Variants in TENM3 observed in about 807,000 individuals in gnomAD.
TENM3 encodes the protein teneurin transmembrane protein 3.
Under a neutral mutation model 255.1 loss-of-function variants are expected in TENM3, and 63 were observed. That is an observed-to-expected ratio of 0.25 (90% CI 0.20 to 0.30). The LOEUF (loss-of-function observed/expected upper bound fraction) is 0.30. TENM3 is among the 10% of genes least tolerant of loss of function. The pLI, the probability that TENM3 is intolerant of heterozygous loss-of-function variation, is 1.00. For synonymous variants in TENM3, 1,306 were observed against 1,322.3 expected, an observed-to-expected ratio of 0.99 and a Z score of 0.27; for missense variants, 2,929 against 3,461.1, an observed-to-expected ratio of 0.85 and a Z score of 3.86.
At chr4:181,849,971 A>ACACACACACACACACACACC in the TENM3 span, among the ~76,000 whole-genome samples, 1 of 146,054 alleles carries the variant, frequency 6.8e-6, no homozygotes, top group Admixed American at 6.8e-5. Context: ...ACACACACAC[A>ACACACACACACACACACACC]CACACACACA....
rs1292929955 is a variant in TENM3 at position 182,522,585 on chromosome 4, T to TATTTTTTTAAAATTTTACTTTAA, written c.512-78335_512-78334insTTTTAAAATTTTACTTTAAATTT. On this transcript the variant is annotated intron_variant, in intron 3 of 27. Transcript: ENST00000511685. ...CGTTTTCTTTCTTTTTTAAAAAATT[T>TATTTTTTTAAAATTTTACTTTAA]ATTTGTTTTAAATTTTACTTTAAGT... 1.6e-4 allele frequency among the ~76,000 whole-genome samples: 24 copies of TATTTTTTTAAAATTTTACTTTAA among 152,356 alleles called. No individual in the cohort carries two copies. The East Asian group carries it at 4.6e-3, about 29-fold the overall frequency.
Position 182,585,168 on chromosome 4 carries a change from T to C in TENM3, c.512-15756T>C, listed in dbSNP as rs1481875013. On this transcript the variant is annotated intron_variant, in intron 3 of 27. Transcript: ENST00000511685. The stretch of plus-strand genomic sequence containing the variant: ...GTTTATAAAAATACTTTAATATACA[T>C]TATCTCCTTTAATTCTCACAACATT... 2.0e-5 allele frequency among the ~76,000 whole-genome samples: 3 copies of C among 152,224 alleles called. No homozygotes were observed. In the East Asian group the frequency reaches 5.8e-4, roughly 29 times the overall value.
the TENM3 span, among the ~76,000 whole-genome samples, chr4:181,525,923 G>C: frequency 2.0e-5 from 3 of 148,902 alleles, no homozygotes; most frequent in Non-Finnish European, 3.0e-5. Context: ...CCCTTGCCTG[G>C]GCTGATTTTT....
At chr4:182,449,050 C>T (rs1773203644) in intron 3 of TENM3, 1 of 366,814 alleles carries the variant, frequency 2.7e-6, no homozygotes, top group South Asian at 1.8e-5. Flanking sequence ...GGGCTCGGTT[C>T]CTCACGGCCA....
the TENM3 span, among the ~76,000 whole-genome samples, chr4:181,572,627 A>G: frequency 6.6e-6 from 1 of 152,160 alleles, no homozygotes; most frequent in African/African-American, 2.4e-5. Context: ...GTATGTGTAT[A>G]TATTTATGGG....
intron 26 of TENM3, among the ~76,000 whole-genome samples, chr4:182,794,754 C>T (rs1168655744): frequency 6.6e-6 from 1 of 152,228 alleles, no homozygotes; most frequent in Non-Finnish European, 1.5e-5. Flanking sequence ...CACCATGGAA[C>T]AACCAGCATG....
At chr4:182,533,902 C>T (rs892230554) in intron 3 of TENM3, among the ~76,000 whole-genome samples, 2 of 151,480 alleles carry the variant, frequency 1.3e-5, no homozygotes, top group African/African-American at 4.9e-5. Flanking sequence ...GAGCAAGACT[C>T]CATCTCCAAA....
the TENM3 span, among the ~76,000 whole-genome samples, chr4:181,762,219 T>A: frequency 1.3e-5 from 2 of 152,148 alleles, no homozygotes; most frequent in African/African-American, 4.8e-5. Flanking sequence ...GTGGAATTTT[T>A]CAAAGATGGA....
the TENM3 span, among the ~76,000 whole-genome samples, chr4:181,462,740 A>G: frequency 0.13 from 20,258 of 152,174 alleles, 1,527 homozygotes; most frequent in East Asian, 0.27. Flanking sequence ...TACTGACCAC[A>G]CTTTTCCAGC....
the TENM3 span, among the ~76,000 whole-genome samples, chr4:181,597,779 T>TTCCATCAATCAGTAATTCAGC: frequency 6.6e-6 from 1 of 152,180 alleles, no homozygotes; most frequent in Non-Finnish European, 1.5e-5. Flanking sequence ...TTTTAAATGT[T>TTCCATCAATCAGTAATTCAGC]TCCATCAATC....
the TENM3 span, among the ~76,000 whole-genome samples, chr4:181,515,665 T>C: frequency 0.21 from 31,381 of 152,046 alleles, 4,164 homozygotes; most frequent in Non-Finnish European, 0.3. Flanking sequence ...AAAATATTCA[T>C]GTCCTAATAC....
At chr4:182,117,767 G>T in the TENM3 span, among the ~76,000 whole-genome samples, 2 of 151,928 alleles carry the variant, frequency 1.3e-5, no homozygotes, top group African/African-American at 4.8e-5. Flanking sequence ...TTAATATTCT[G>T]GATATTTTTT....
the TENM3 span, among the ~76,000 whole-genome samples, chr4:181,622,121 A>G: frequency 2.0e-5 from 3 of 152,168 alleles, no homozygotes; most frequent in Non-Finnish European, 4.4e-5. Flanking sequence ...GGACTTTTCC[A>G]AGATAGTGAT....
intron 13 of TENM3, among the ~76,000 whole-genome samples, chr4:182,726,323 A>G (rs1760176893): frequency 6.6e-6 from 1 of 151,606 alleles, no homozygotes; most frequent in Admixed American, 6.6e-5. Flanking sequence ...AGACTTAAGG[A>G]AAAAGGGAAT....
At chr4:181,617,444 T>G in the TENM3 span, among the ~76,000 whole-genome samples, 1 of 152,158 alleles carries the variant, frequency 6.6e-6, no homozygotes, top group Non-Finnish European at 1.5e-5. Flanking sequence ...TAGCAGAGAC[T>G]AGACTGTTGA....
intron 1 of TENM3, among the ~76,000 whole-genome samples, chr4:182,146,363 G>A (rs1749966527): frequency 6.6e-6 from 1 of 152,038 alleles, no homozygotes; most frequent in African/African-American, 2.4e-5. Flanking sequence ...AGAGTGAGAG[G>A]TTAGTTCAGT....
chr4:181,883,342 G>T, the TENM3 span, among the ~76,000 whole-genome samples: 2 of 152,062 alleles, frequency 1.3e-5, no homozygotes, highest in African/African-American at 4.8e-5. Flanking sequence ...AATCGTGCAT[G>T]TTAGCCATGC....
At chr4:182,732,821 G>T (rs146688150) in intron 16 of TENM3, among the ~76,000 whole-genome samples, 86 of 152,240 alleles carry the variant, frequency 5.6e-4, no homozygotes, top group African/African-American at 1.9e-3. Flanking sequence ...GTGAGACCCT[G>T]TCTCAAAAAT....
At chr4:181,525,396 C>CAA in the TENM3 span, among the ~76,000 whole-genome samples, 253 of 97,258 alleles carry the variant, frequency 2.6e-3, 2 homozygotes, top group African/African-American at 5.8e-3. Flanking sequence ...GACCCTGTTT[C>CAA]AAAAAAAAAA....
Sources: gnomAD v4.1 joint callset for allele counts (sites outside exome capture counted in the v4.1 genomes callset) on GRCh38, gnomAD v4.1.1 for gene constraint, MANE v1.5 for transcripts, NCBI Gene and HGNC (gene_info 2026-07-23, HGNC 2026-07-21) for gene names.